The following NUDCD3 variants were observed in gnomAD, a reference collection of about 807,000 sequenced individuals.
The protein encoded by NUDCD3 is nudC domain-containing protein 3.
A neutral mutation model predicts 39.7 loss-of-function variants in NUDCD3; 13 were observed. The observed-to-expected ratio is 0.33, with a 90% CI of 0.21 to 0.52. The LOEUF is 0.52. NUDCD3 is among the 20% of genes least tolerant of loss of function. The probability of loss-of-function intolerance (pLI) is 0.96; values close to 1 mark genes in which losing one functional copy is unlikely to be tolerated. For missense variants in NUDCD3, 453 were observed against 458.1 expected (o/e 0.99, Z 0.10); for synonymous variants, 175 against 172.4 (o/e 1.02, Z -0.12).
At chr7:44,471,354 T>C (rs1800253789) in intron 2 of NUDCD3, among the ~76,000 whole-genome samples, 1 of 152,248 alleles carries the variant, frequency 6.6e-6, no homozygotes, top group Admixed American at 6.5e-5. Flanking sequence ...TGTATTGTTA[T>C]TTTTTATGGT....
chr7:44,424,945 C>T (rs1356471237), intron 3 of NUDCD3, among the ~76,000 whole-genome samples: 4 of 152,080 alleles, frequency 2.6e-5, no homozygotes, highest in African/African-American at 7.2e-5. Context: ...ATATACACCA[C>T]GGAATACTAT....
At chr7:44,476,055 G>A (rs1025363354) in intron 2 of NUDCD3, among the ~76,000 whole-genome samples, 4 of 152,170 alleles carry the variant, frequency 2.6e-5, no homozygotes, top group Admixed American at 2.0e-4. Flanking sequence ...TGGGTATATG[G>A]AGAGAAGGGG....
At chr7:44,481,453 T>C (rs1800489300) in intron 2 of NUDCD3, 1 of 152,222 alleles carries the variant, frequency 6.6e-6, no homozygotes, top group Admixed American at 6.5e-5. Flanking sequence ...TCAGGCCCAC[T>C]CAGATCACCT....
chr7:44,400,094 C>T lies in NUDCD3; in HGVS notation c.786+4346G>A, dbSNP rs189447222. On this transcript the variant is annotated intron_variant, in intron 4 of 5. Transcript: ENST00000355451. ...GCATGGAGGACAGCCTGTCAGCTCC[C>T]CCGACTGCAGGAAGAAAGGAGGATG... is the stretch of plus-strand genomic sequence containing the variant. Among the ~76,000 whole-genome samples, 5 of 152,334 alleles carry T rather than the reference C, an allele frequency of 3.3e-5. No individual in the cohort carries two copies. In the East Asian group the frequency reaches 9.6e-4, roughly 29 times the overall value.
chr7:44,414,610 A>AGACACAG (rs1413971400), intron 3 of NUDCD3, among the ~76,000 whole-genome samples: 2 of 152,226 alleles, frequency 1.3e-5, no homozygotes, highest in African/African-American at 4.8e-5. Context: ...AAGACAGAAA[A>AGACACAG]GACACAGAGG....
chr7:44,410,308 C>A (rs941442509), intron 3 of NUDCD3, among the ~76,000 whole-genome samples: 1 of 152,130 alleles, frequency 6.6e-6, no homozygotes, highest in African/African-American at 2.4e-5. Context: ...CTACAGTAAT[C>A]AAAACAGTGT....
intron 1 of NUDCD3, 31 bp from the exon 2 acceptor site, chr7:44,485,315 T>G: frequency 6.5e-7 from 1 of 1,534,344 alleles, no homozygotes. Context: ...AGCAATCAGT[T>G]CATCTGCCCA....
intron 2 of NUDCD3, among the ~76,000 whole-genome samples, chr7:44,447,753 T>A (rs1192130610): frequency 6.6e-6 from 1 of 152,180 alleles, no homozygotes; most frequent in East Asian, 1.9e-4. Context: ...GCATTAGCCT[T>A]CCTCAAAGCC....
intron 3 of NUDCD3, among the ~76,000 whole-genome samples, chr7:44,417,639 C>A (rs970053562): frequency 1.3e-5 from 2 of 152,142 alleles, no homozygotes; most frequent in Non-Finnish European, 2.9e-5. Flanking sequence ...ACTACATACA[C>A]GGCAATACTA....
At chr7:44,414,772 T>C (rs2116886405) in intron 3 of NUDCD3, among the ~76,000 whole-genome samples, 1 of 152,374 alleles carries the variant, frequency 6.6e-6, no homozygotes, top group African/African-American at 2.4e-5. Flanking sequence ...TTTCCTGCAT[T>C]TTTTCCTAAG....
intron 1 of NUDCD3, among the ~76,000 whole-genome samples, chr7:44,489,422 G>A (rs1451108676): frequency 6.6e-6 from 1 of 152,236 alleles, no homozygotes; most frequent in African/African-American, 2.4e-5. Context: ...GCTGAGGAAA[G>A]TAACATCTTA....
At chr7:44,408,773 C>T (rs941773291) in intron 3 of NUDCD3, among the ~76,000 whole-genome samples, 3 of 152,158 alleles carry the variant, frequency 2.0e-5, no homozygotes, top group African/African-American at 7.2e-5. Context: ...TTGGCCTAGA[C>T]CCATCCCCAC....
chr7:44,450,420 C>T (rs1408554305), intron 2 of NUDCD3, among the ~76,000 whole-genome samples: 1 of 151,902 alleles, frequency 6.6e-6, no homozygotes, highest in Non-Finnish European at 1.5e-5. Context: ...TCACATGATC[C>T]ACCTAACTCG....
At chr7:44,435,947 C>T (rs570430447) in intron 2 of NUDCD3, among the ~76,000 whole-genome samples, 13 of 152,214 alleles carry the variant, frequency 8.5e-5, no homozygotes, top group Non-Finnish European at 1.6e-4. Flanking sequence ...ACACAGTCAG[C>T]CAGATCTAGA....
At chr7:44,424,267 T>A (rs892368621) in intron 3 of NUDCD3, among the ~76,000 whole-genome samples, 6 of 151,926 alleles carry the variant, frequency 3.9e-5, no homozygotes, top group Non-Finnish European at 7.4e-5. Context: ...CAAAAGCAAT[T>A]GCAACAAAAG....
intron 2 of NUDCD3, among the ~76,000 whole-genome samples, chr7:44,433,041 A>C (rs1563175320): frequency 6.6e-6 from 1 of 152,200 alleles, no homozygotes; most frequent in East Asian, 1.9e-4. Flanking sequence ...TAGTGCCCTT[A>C]CATGGAGGCC....
At chr7:44,479,074 C>T (rs1255121616) in intron 2 of NUDCD3, among the ~76,000 whole-genome samples, 1 of 152,136 alleles carries the variant, frequency 6.6e-6, no homozygotes, top group Non-Finnish European at 1.5e-5. Flanking sequence ...GGGAAAAGTC[C>T]CTTATAAAAC....
chr7:44,462,153 T>A (rs572270039), intron 2 of NUDCD3, among the ~76,000 whole-genome samples: 19 of 150,128 alleles, frequency 1.3e-4, no homozygotes, highest in African/African-American at 3.2e-4. Flanking sequence ...ACACACACAC[T>A]CTCTCTCTCT....
intron 2 of NUDCD3, among the ~76,000 whole-genome samples, chr7:44,462,690 C>T (rs1800037550): frequency 6.6e-6 from 1 of 152,216 alleles, no homozygotes; most frequent in Non-Finnish European, 1.5e-5. Context: ...CCCTGCCCTG[C>T]ATTACCTTCA....
Sources: gnomAD v4.1 joint callset for allele counts (sites outside exome capture counted in the v4.1 genomes callset) on GRCh38, gnomAD v4.1.1 for gene constraint, MANE v1.5 for transcripts, NCBI Gene and HGNC (gene_info 2026-07-23, HGNC 2026-07-21) for gene names.